The following TACR3 variants were observed in gnomAD, a reference collection of about 807,000 sequenced individuals.
TACR3 encodes neuromedin-K receptor.
In TACR3, 34 loss-of-function variants were observed where a neutral mutation model predicts 35.0. The ratio of observed to expected loss-of-function variants is 0.97; its 90% CI spans 0.74 to 1.30. The LOEUF is 1.30. Ranked by LOEUF, TACR3 falls within the 50% of genes most tolerant of loss-of-function variation. The pLI, the probability that TACR3 is intolerant of heterozygous loss-of-function variation, is 0.00. For synonymous variants in TACR3, 233 were observed against 221.1 expected (o/e 1.05, Z -0.48); for missense variants, 558 against 591.7 (o/e 0.94, Z 0.59).
chr4:103,634,869 A>G (rs1424596595), intron 3 of TACR3, among the ~76,000 whole-genome samples: 2 of 152,026 alleles, frequency 1.3e-5, no homozygotes, highest in African/African-American at 2.4e-5. Context: ...TCTAGCTTCA[A>G]CTTCCTTATT....
chr4:103,672,509 A>G (rs1428350649), intron 1 of TACR3, among the ~76,000 whole-genome samples: 3 of 152,144 alleles, frequency 2.0e-5, no homozygotes, highest in African/African-American at 7.2e-5. Context: ...ATGAGCAGTG[A>G]TATTTTGAAA....
At chr4:103,688,057 T>C (rs1722296695) in intron 1 of TACR3, among the ~76,000 whole-genome samples, 1 of 151,980 alleles carries the variant, frequency 6.6e-6, no homozygotes, top group Middle Eastern at 3.2e-3. Context: ...GAGATATAGA[T>C]CAATGGAACA....
intron 3 of TACR3, among the ~76,000 whole-genome samples, chr4:103,639,188 C>G (rs1214443467): frequency 6.6e-6 from 1 of 152,082 alleles, no homozygotes. Context: ...TTGGAACTAA[C>G]CCAAATGTCC....
chr4:103,610,124 G>T (rs1724479395), intron 3 of TACR3, among the ~76,000 whole-genome samples: 1 of 151,972 alleles, frequency 6.6e-6, no homozygotes, highest in African/African-American at 2.4e-5. Flanking sequence ...TTGCTTTTGA[G>T]TATGTACCTT....
chr4:103,601,189 T>C (rs1002689489), intron 3 of TACR3, among the ~76,000 whole-genome samples: 6 of 152,266 alleles, frequency 3.9e-5, no homozygotes, highest in South Asian at 4.1e-4. Context: ...TCTTGTTGAA[T>C]TGATCCCTTT....
At chr4:103,618,796 G>C (rs1724716502) in intron 3 of TACR3, among the ~76,000 whole-genome samples, 1 of 151,886 alleles carries the variant, frequency 6.6e-6, no homozygotes, top group African/African-American at 2.4e-5. Flanking sequence ...AGTTCTCCTT[G>C]TAAAGATCTT....
intron 1 of TACR3, among the ~76,000 whole-genome samples, chr4:103,708,685 C>T (rs1722857630): frequency 6.6e-6 from 1 of 152,094 alleles, no homozygotes; most frequent in Non-Finnish European, 1.5e-5. Flanking sequence ...AGAGAAGAAG[C>T]CTTCAGATGA....
chr4:103,717,241 A>G (rs565409959), intron 1 of TACR3, among the ~76,000 whole-genome samples: 77 of 152,170 alleles, frequency 5.1e-4, no homozygotes, highest in African/African-American at 1.8e-3. Flanking sequence ...TTTTTAATCA[A>G]CTGTCTGCTC....
chr4:103,694,173 T>A (rs1722471633), intron 1 of TACR3, among the ~76,000 whole-genome samples: 1 of 152,200 alleles, frequency 6.6e-6, no homozygotes, highest in East Asian at 1.9e-4. Flanking sequence ...GTGTACTTTT[T>A]AAAACTCTAC....
At chr4:103,692,858 A>G (rs1722436646) in intron 1 of TACR3, among the ~76,000 whole-genome samples, 2 of 152,194 alleles carry the variant, frequency 1.3e-5, no homozygotes, top group South Asian at 2.1e-4. Context: ...CCAGGCTTCT[A>G]TGAGTAAATC....
chr4:103,694,586 G>T (rs922004407), intron 1 of TACR3, among the ~76,000 whole-genome samples: 3 of 152,074 alleles, frequency 2.0e-5, no homozygotes, highest in South Asian at 2.1e-4. Context: ...GCTGACTCTA[G>T]ATTAAAGTCA....
chr4:103,699,119 T>C (rs1722591251), intron 1 of TACR3, among the ~76,000 whole-genome samples: 1 of 152,098 alleles, frequency 6.6e-6, no homozygotes, highest in South Asian at 2.1e-4. Flanking sequence ...TCTAACACTA[T>C]AGGGGAGAGA....
intron 1 of TACR3, among the ~76,000 whole-genome samples, chr4:103,693,904 G>T (rs1265615673): frequency 6.6e-6 from 1 of 151,922 alleles, no homozygotes; most frequent in Non-Finnish European, 1.5e-5. Flanking sequence ...TTATGTTAGT[G>T]CTCAGTGCAA....
At chr4:103,601,592 ATC>A (rs1203927850) in intron 3 of TACR3, among the ~76,000 whole-genome samples, 1 of 152,046 alleles carries the variant, frequency 6.6e-6, no homozygotes, top group African/African-American at 2.4e-5. Flanking sequence ...TGGTGACAAA[ATC>A]TCTCAGCATT....
rs184589436 is a variant in TACR3 at position 103,590,208 on chromosome 4, G to C, written c.1086-214C>G. Reference sequence around the variant, plus strand: ...TAATTTCCCATTAATGAGAAGCATTGATTCCCAGCAATGAAAAGCATCTCA... The same window carrying C: ...TAATTTCCCATTAATGAGAAGCATTCATTCCCAGCAATGAAAAGCATCTCA... On this transcript the variant is annotated intron_variant, in intron 4 of 4. Transcript: ENST00000304883. Among the ~76,000 whole-genome samples the C allele has an allele frequency of 0.015, 2,211 of 152,174 alleles. 48 individuals are homozygous for C. Among genetic ancestry groups the C allele is most frequent in the African/African-American group, 0.051 (2,104 of 41,518 alleles).
intron 1 of TACR3, among the ~76,000 whole-genome samples, chr4:103,707,861 G>A (rs544469062): frequency 2.6e-5 from 4 of 152,238 alleles, no homozygotes; most frequent in South Asian, 2.1e-4. Context: ...TATATCCTGC[G>A]CCTGGCTCAG....
At chr4:103,717,094 G>A (rs1285473195) in intron 1 of TACR3, among the ~76,000 whole-genome samples, 1 of 152,130 alleles carries the variant, frequency 6.6e-6, no homozygotes, top group Non-Finnish European at 1.5e-5. Context: ...TACAGTTCAT[G>A]TTTGATAAGA....
At chr4:103,700,273 TTCTAGGTGGTATAAACAGGC>T (rs1159247999) in intron 1 of TACR3, among the ~76,000 whole-genome samples, 8 of 152,146 alleles carry the variant, frequency 5.3e-5, no homozygotes, top group African/African-American at 1.7e-4. Flanking sequence ...AACTGTTTCC[TTCTAGGTGGTATAAACAGGC>T]TCTAGAACAC....
intron 3 of TACR3, among the ~76,000 whole-genome samples, chr4:103,642,877 CTAAT>C (rs1212205599): frequency 2.0e-5 from 3 of 151,716 alleles, no homozygotes; most frequent in African/African-American, 7.3e-5. Context: ...ACTAATTACC[CTAAT>C]TAGATTACTA....
Sources: gnomAD v4.1 joint callset for allele counts (sites outside exome capture counted in the v4.1 genomes callset) on GRCh38, gnomAD v4.1.1 for gene constraint, MANE v1.5 for transcripts, NCBI Gene and HGNC (gene_info 2026-07-23, HGNC 2026-07-21) for gene names.